The following MUC20 variants were observed in gnomAD, a reference collection of about 807,000 sequenced individuals.
MUC20 encodes the protein mucin-20.
A neutral mutation model predicts 23.8 loss-of-function variants in MUC20; 14 were observed. The observed-to-expected ratio is 0.59, with a 90% confidence interval of 0.39 to 0.92. The LOEUF is 0.92. MUC20 is among the 40% of genes least tolerant of loss of function. The pLI, the probability that MUC20 is intolerant of heterozygous loss-of-function variation, is 0.00. For synonymous variants in MUC20, 166 were observed against 279.3 expected, an observed-to-expected ratio of 0.59 and a Z score of 4.04; for missense variants, 375 against 668.8, an observed-to-expected ratio of 0.56 and a Z score of 4.85.
At chr3:195,733,033 A>G in intron 3 of MUC20, 117 bp from the exon 4 acceptor site, 3 of 1,110,710 alleles carry the variant, frequency 2.7e-6, no homozygotes, top group Non-Finnish European at 4.0e-6. Context: ...TAGGAGGCCC[A>G]GGAAGGGTTG....
chr3:195,732,651 C>T (rs1284724999), intron 3 of MUC20, among the ~76,000 whole-genome samples: 3 of 152,234 alleles, frequency 2.0e-5, no homozygotes, highest in Non-Finnish European at 4.4e-5. Flanking sequence ...TGAGCCACCG[C>T]ACCCGGCCGG....
intron 2 of MUC20, 149 bp downstream of exon 2, chr3:195,726,721 C>T (rs564603409): frequency 3.0e-6 from 3 of 1,011,100 alleles, no homozygotes; most frequent in Non-Finnish European, 4.3e-6. Flanking sequence ...TCTAGTGGTT[C>T]TTGGCGAAAT....
intron 3 of MUC20, among the ~76,000 whole-genome samples, chr3:195,730,782 G>GA (rs1282873213): frequency 1.3e-5 from 2 of 152,220 alleles, no homozygotes; most frequent in African/African-American, 2.4e-5. Context: ...AGGCTAGGCA[G>GA]AAAAAACCGC....
chr3:195,732,030 G>C (rs770101256), intron 3 of MUC20, among the ~76,000 whole-genome samples: 22 of 151,360 alleles, frequency 1.5e-4, no homozygotes, highest in Non-Finnish European at 2.5e-4. Flanking sequence ...CTGAGACTGA[G>C]TCTCACTCTG....
intron 3 of MUC20, chr3:195,730,038 T>TG: frequency 3.1e-6 from 1 of 325,476 alleles, no homozygotes; most frequent in Non-Finnish European, 5.4e-6. Flanking sequence ...GTGATACTGA[T>TG]GGGAGGGTAG....
intron 2 of MUC20, among the ~76,000 whole-genome samples, chr3:195,728,290 T>C (rs890316130): frequency 2.2e-3 from 333 of 152,292 alleles, no homozygotes; most frequent in African/African-American, 7.6e-3. Context: ...TGATTATTAT[T>C]TTCATTATTT....
chr3:195,728,380 T>C (rs548942277), intron 2 of MUC20, among the ~76,000 whole-genome samples: 46 of 152,370 alleles, frequency 3.0e-4, no homozygotes, highest in Admixed American at 4.6e-4. Context: ...AAAGAATCTG[T>C]GTCATAATTA....
intron 2 of MUC20, chr3:195,729,419 C>A (rs965390169): frequency 9.8e-5 from 50 of 508,108 alleles, no homozygotes; most frequent in African/African-American, 9.4e-4. Context: ...CAGGTTCAGG[C>A]GATTCTCCTG....
intron 2 of MUC20, 36 bp from the exon 3 acceptor site, chr3:195,729,607 CGCCCA>C: frequency 6.5e-7 from 1 of 1,532,402 alleles, no homozygotes; most frequent in Non-Finnish European, 8.8e-7. Flanking sequence ...TGAGCCACTG[CGCCCA>C]GCCCTGATTT....
In MUC20 at chr3:195,732,649, C is replaced by T. The variant is rs144673461; in HGVS notation, c.2062-501C>T. 1.9e-3 allele frequency among the ~76,000 whole-genome samples: 288 copies of T among 151,938 alleles called. 1 individual carries two copies. The East Asian group carries it at 0.024, about 13-fold the overall frequency. ...CACTGGGATTATTGGCGTGAGCCAC[C>T]GCACCCGGCCGGGAAGCCAGTTTTG... On this transcript the variant is annotated intron_variant, in intron 3 of 3. Transcript: ENST00000447234.
At position 195,726,173 on chromosome 3, in the gene MUC20, A is replaced by G; in HGVS notation, c.1570A>G (p.Thr524Ala). 6.2e-7 allele frequency: 1 copy of G among 1,608,856 alleles called. No individual in the cohort carries two copies. The highest frequency in any genetic ancestry group is 8.5e-7 in the Non-Finnish European group (1 of 1,176,082). Residue 524 changes from threonine to alanine, a missense_variant, in exon 2 of 4, where the codon ACA (threonine) becomes GCA (alanine). Transcript: ENST00000447234. ...GATTLSGALV[T>A]VSRNPLEETS... The stretch of plus-strand genomic sequence containing the variant: ...CACGACCCTCAGTGGAGCTCTGGTC[A>G]CAGTTAGCAGGAATCCCCTTGAAGA...
Position 195,733,456 on chromosome 3 carries a change from C to T in MUC20, c.*238C>T. ...ACCTGTTCCCAGAGGTGTCCTTGGA[C>T]TCACCTTGGCACATGTTCTGTGTTT... is the stretch of plus-strand genomic sequence containing the variant. On this transcript the variant is annotated 3_prime_UTR_variant, in exon 4 of 4. Coordinates refer to ENST00000447234, the MANE Select transcript of MUC20 (RefSeq NM_001282506.2). 7.1e-7 allele frequency: 1 copy of T among 1,417,686 alleles called. No individual in the cohort carries two copies. The highest frequency in any genetic ancestry group is 9.2e-7 in the Non-Finnish European group (1 of 1,090,268). The allele number at this position is 1,417,686 out of a possible 1,614,324, so 87.8% of individuals were successfully genotyped here. A position where few individuals can be genotyped will look rare whatever the true frequency, so the allele number is the denominator to read the frequency against.
intron 2 of MUC20, among the ~76,000 whole-genome samples, chr3:195,728,310 G>A (rs1312209460): frequency 1.3e-5 from 2 of 152,290 alleles, no homozygotes; most frequent in African/African-American, 4.8e-5. Flanking sequence ...TTAGCAAAAA[G>A]GAATGTAGTA....
rs1217379292 is a variant in MUC20 at position 195,733,241 on chromosome 3, A to G, written c.*23A>G. The G allele has an allele frequency of 1.3e-6, 2 of 1,572,038 alleles. No individual in the cohort carries two copies. Among genetic ancestry groups the G allele is most frequent in the Non-Finnish European group, 1.7e-6 (2 of 1,159,546 alleles). ...TAACGGACATCAGCTGCAGCCAGGC[A>G]TGTCCCGTATGCCAAAAGAGGGTGC... On this transcript the variant is annotated 3_prime_UTR_variant, in exon 4 of 4. Transcript: ENST00000447234.
intron 2 of MUC20, among the ~76,000 whole-genome samples, chr3:195,727,535 T>C (rs1479786648): frequency 6.6e-6 from 1 of 152,286 alleles, no homozygotes. Flanking sequence ...CCACTTCCTG[T>C]CACTCTGCCC....
chr3:195,722,249 C>T, intron 1 of MUC20: 2 of 968,922 alleles, frequency 2.1e-6, no homozygotes, highest in Non-Finnish European at 2.4e-6. Context: ...AGGGTGAGGC[C>T]ACTGTGCTTC....
intron 3 of MUC20, among the ~76,000 whole-genome samples, chr3:195,730,385 G>A (rs4036960): frequency 0.11 from 13,932 of 126,834 alleles, 1 homozygote; most frequent in East Asian, 0.41. Flanking sequence ...TCGCTCTGTC[G>A]CCCAGGCTGG....
chr3:195,732,065 G>A (rs1377306106), intron 3 of MUC20, among the ~76,000 whole-genome samples: 4 of 152,192 alleles, frequency 2.6e-5, no homozygotes, highest in African/African-American at 7.2e-5. Flanking sequence ...GTGCAGTGGT[G>A]CGATCTTGGC....
intron 1 of MUC20, chr3:195,722,849 T>A: frequency 5.5e-6 from 5 of 903,494 alleles, no homozygotes; most frequent in Non-Finnish European, 6.5e-6. Context: ...TGGGCCGCAC[T>A]GGACCAGGGA....
Sources: allele counts gnomAD v4.1 joint callset (sites outside exome capture counted in the v4.1 genomes callset), GRCh38; gene constraint gnomAD v4.1.1; transcripts MANE v1.5; gene names NCBI Gene and HGNC (gene_info 2026-07-23, HGNC 2026-07-21).